The following SHC4 variants were observed in gnomAD, a reference collection of about 807,000 sequenced individuals.
SHC4 encodes SHC adaptor protein 4.
SHC4 carries 41 observed loss-of-function variants against 69.4 expected under a neutral mutation model. The ratio of observed to expected loss-of-function variants is 0.59; its 90% CI spans 0.46 to 0.77. SHC4 has a LOEUF of 0.77. Among genes scored for constraint, SHC4 ranks in the 30% least tolerant of loss-of-function variants. The pLI is 0.00. For missense variants in SHC4, 777 were observed against 783.8 expected (o/e 0.99, Z 0.10); for synonymous variants, 318 against 299.3 (o/e 1.06, Z -0.64).
chr15:48,952,232 C>T (rs1162969891), intron 1 of SHC4, among the ~76,000 whole-genome samples: 1 of 152,158 alleles, frequency 6.6e-6, no homozygotes, highest in African/African-American at 2.4e-5. Flanking sequence ...AAATTATTTG[C>T]TGATGATATT....
At chr15:48,903,661 G>A (rs914125006) in intron 2 of SHC4, among the ~76,000 whole-genome samples, 6 of 152,080 alleles carry the variant, frequency 3.9e-5, no homozygotes, top group Admixed American at 2.0e-4. Flanking sequence ...TGCAGTCCTC[G>A]GACCAGCAGC....
intron 4 of SHC4, chr15:48,878,134 G>A (rs755909892): frequency 4.0e-6 from 6 of 1,517,228 alleles, no homozygotes; most frequent in Non-Finnish European, 4.4e-6. Flanking sequence ...CGCAGCATCT[G>A]TCTTGCTGGA....
chr15:48,889,769 G>A (rs1900099502), intron 3 of SHC4, among the ~76,000 whole-genome samples: 1 of 152,114 alleles, frequency 6.6e-6, no homozygotes, highest in Non-Finnish European at 1.5e-5. Flanking sequence ...GCTTGAATCC[G>A]GGAGGCGGAG....
At chr15:48,956,121 C>G (rs1238695136) in intron 1 of SHC4, among the ~76,000 whole-genome samples, 1 of 152,158 alleles carries the variant, frequency 6.6e-6, no homozygotes, top group Non-Finnish European at 1.5e-5. Context: ...ACTTCCACGT[C>G]TACTCCAAGA....
intron 6 of SHC4, 68 bp from the exon 7 acceptor site, chr15:48,857,883 G>A (rs771187671): frequency 2.8e-5 from 36 of 1,307,382 alleles, no homozygotes; most frequent in Non-Finnish European, 3.3e-5. Flanking sequence ...CATAAAATCA[G>A]AGTACTTCAA....
chr15:48,826,220 A>G, intron 11 of SHC4, 94 bp from the exon 12 acceptor site: 1 of 1,213,312 alleles, frequency 8.2e-7, no homozygotes, highest in Non-Finnish European at 1.1e-6. Context: ...ATATATCCCT[A>G]AAGTAGATAC....
At chr15:48,888,281 A>G (rs1372013915) in intron 3 of SHC4, among the ~76,000 whole-genome samples, 1 of 152,250 alleles carries the variant, frequency 6.6e-6, no homozygotes, top group African/African-American at 2.4e-5. Context: ...TTATTCAGCC[A>G]TAAAAAGGAA....
At chr15:48,831,881 G>C (rs1595724734) in intron 11 of SHC4, among the ~76,000 whole-genome samples, 1 of 152,242 alleles carries the variant, frequency 6.6e-6, no homozygotes, top group Middle Eastern at 3.4e-3. Context: ...GTTTCAACTT[G>C]AAGGACTTTA....
At chr15:48,950,137 T>C (rs924572474) in intron 1 of SHC4, among the ~76,000 whole-genome samples, 97 of 144,824 alleles carry the variant, frequency 6.7e-4, no homozygotes, top group Non-Finnish European at 1.3e-3. Context: ...GTGTTTATTT[T>C]ATATTATATA....
intron 1 of SHC4, among the ~76,000 whole-genome samples, chr15:48,951,670 C>G (rs1336452315): frequency 6.6e-6 from 1 of 152,154 alleles, no homozygotes; most frequent in African/African-American, 2.4e-5. Context: ...CTTCACTTTG[C>G]CTAGGATGTT....
At chr15:48,925,739 T>C (rs189734612) in intron 1 of SHC4, among the ~76,000 whole-genome samples, 2 of 152,118 alleles carry the variant, frequency 1.3e-5, no homozygotes, top group African/African-American at 2.4e-5. Context: ...AGATCTGTGT[T>C]GGAGGAGGCT....
At chr15:48,949,100 G>T (rs979251878) in intron 1 of SHC4, among the ~76,000 whole-genome samples, 4 of 151,420 alleles carry the variant, frequency 2.6e-5, no homozygotes, top group African/African-American at 9.7e-5. Context: ...GGCCAGGCGC[G>T]GTGGCTCACG....
intron 9 of SHC4, among the ~76,000 whole-genome samples, chr15:48,845,800 C>A (rs1005656786): frequency 2.0e-5 from 3 of 152,046 alleles, no homozygotes; most frequent in Admixed American, 2.0e-4. Context: ...ATTAGCAAGT[C>A]TTTGTAAAAA....
intron 6 of SHC4, among the ~76,000 whole-genome samples, chr15:48,860,356 A>T (rs11070658): frequency 0.57 from 85,500 of 151,120 alleles, 26,916 homozygotes; most frequent in Middle Eastern, 0.78. Context: ...AATACAAAAA[A>T]ATTGGCTGGG....
At chr15:48,876,863 G>C (rs1435748389) in intron 4 of SHC4, 12 of 258,346 alleles carry the variant, frequency 4.6e-5, no homozygotes, top group African/African-American at 2.6e-4. Context: ...ATCAATACTT[G>C]TATCCTTCAA....
intron 4 of SHC4, chr15:48,877,658 T>A: frequency 1.5e-6 from 1 of 663,318 alleles, no homozygotes; most frequent in Non-Finnish European, 1.9e-6. Context: ...AAAAGTACAA[T>A]ATATCTGTTG....
intron 2 of SHC4, among the ~76,000 whole-genome samples, chr15:48,897,541 CTT>C (rs200339110): frequency 7.3e-5 from 10 of 136,868 alleles, no homozygotes; most frequent in East Asian, 2.1e-4. Context: ...CACGCACACA[CTT>C]TTTTTTTTTT....
intron 2 of SHC4, among the ~76,000 whole-genome samples, chr15:48,914,628 G>A (rs949362188): frequency 3.9e-5 from 6 of 152,024 alleles, no homozygotes; most frequent in Admixed American, 1.3e-4. Context: ...CCGAAGCCTC[G>A]ATTATCCTTT....
chr15:48,841,107 T>C (rs1230302592), intron 10 of SHC4, among the ~76,000 whole-genome samples: 1 of 152,228 alleles, frequency 6.6e-6, no homozygotes, highest in Non-Finnish European at 1.5e-5. Context: ...ATTTTAACTT[T>C]GAAGACTAAA....
Sources: allele counts gnomAD v4.1 joint callset (sites outside exome capture counted in the v4.1 genomes callset), GRCh38; gene constraint gnomAD v4.1.1; transcripts MANE v1.5; gene names NCBI Gene and HGNC (gene_info 2026-07-23, HGNC 2026-07-21).